CEP97: variants seen among roughly 807,000 people sequenced by gnomAD.
CEP97 encodes centrosomal protein 97.
In CEP97, 43 loss-of-function variants were observed where a neutral mutation model predicts 73.1. The observed-to-expected ratio is 0.59, with a 90% CI of 0.46 to 0.76. The LOEUF (loss-of-function observed/expected upper bound fraction) is 0.76. Among genes scored for constraint, CEP97 ranks in the 30% least tolerant of loss-of-function variants. CEP97 has a pLI of 0.00. For missense variants in CEP97, 939 were observed against 1,014.0 expected, an observed-to-expected ratio of 0.93 and a Z score of 1.00; for synonymous variants, 337 against 370.0, an observed-to-expected ratio of 0.91 and a Z score of 1.02.
Position 101,755,474 on chromosome 3 carries a change from A to G in CEP97, c.773A>G (p.Tyr258Cys), listed in dbSNP as rs755680353. 7 of 1,614,056 alleles carry G rather than the reference A, an allele frequency of 4.3e-6. No individual in the cohort carries two copies. The highest frequency in any genetic ancestry group is 1.1e-5 in the South Asian group (1 of 91,092). Residue 258 changes from tyrosine (Y) to cysteine (C), a missense_variant, in exon 7 of 11, where the codon TAT becomes TGT. Coordinates refer to ENST00000341893, the MANE Select transcript of CEP97 (RefSeq NM_024548.4). ...WLYSQGKGRAYRPGQHIQLVQ... is the reference protein window; with the variant it reads ...WLYSQGKGRACRPGQHIQLVQ... ...TATAGTCAAGGCAAGGGGAGAGCAT[A>G]TCGGCCTGGCCAGCACATCCAGCTT...
intron 10 of CEP97, among the ~76,000 whole-genome samples, chr3:101,762,918 G>A (rs1428237064): frequency 6.6e-6 from 1 of 152,114 alleles, no homozygotes; most frequent in African/African-American, 2.4e-5. Context: ...GATTAAGATG[G>A]TATATGACTA....
chr3:101,732,192 A>G lies in CEP97; in HGVS notation c.561+239A>G, dbSNP rs79245364. Among the ~76,000 whole-genome samples the G allele has an allele frequency of 1.3e-3, 198 of 152,298 alleles. 2 individuals are homozygous for G. In the East Asian group the frequency reaches 0.019, roughly 14 times the overall value. On this transcript the variant is annotated intron_variant, in intron 5 of 10. Transcript: ENST00000341893. ...GGGAGGCGATTGGTGGTAGAGGGAC[A>G]TCTACGTTATAAGGGTTTATAAGAC...
chr3:101,757,127 G>A lies in CEP97; in HGVS notation c.958G>A (p.Glu320Lys), dbSNP rs2107183565. The A allele has an allele frequency of 6.2e-7, 1 of 1,613,450 alleles. No homozygotes were observed. The highest frequency in any genetic ancestry group is 2.2e-5 in the East Asian group (1 of 44,808). ...NEELSPLVPVETRASLIPEHS... is the reference protein window; with the variant it reads ...NEELSPLVPVKTRASLIPEHS... ...AGAGTTGTCTCCTCTTGTTCCTGTT[G>A]AAACAAGGGCATCCCTTATTCCTGA... The change falls in exon 8 of 11, where the codon GAA becomes AAA. Residue 320 changes from glutamate (E) to lysine (K), a missense_variant. Transcript: ENST00000341893.
In CEP97 at chr3:101,767,466, C is replaced by G. The variant is rs763073686; in HGVS notation, c.*1915C>G. Reference sequence around the variant, plus strand: ...TTAGACAAAGAAAAACCAATTTCCACTGCACTAGTACCAAAATACTACTTT... The same window carrying G: ...TTAGACAAAGAAAAACCAATTTCCAGTGCACTAGTACCAAAATACTACTTT... On this transcript the variant is annotated 3_prime_UTR_variant, in exon 11 of 11. Transcript: ENST00000341893. The G allele has an allele frequency of 1.3e-5, 2 of 152,186 alleles. No individual in the cohort carries two copies. Among genetic ancestry groups the G allele is most frequent in the Non-Finnish European group, 2.9e-5 (2 of 68,028 alleles). 9.4% of individuals were successfully genotyped at this position (152,186 alleles called of 1,614,324 possible).
chr3:101,741,213 T>C (rs1365605682), intron 6 of CEP97, among the ~76,000 whole-genome samples: 1 of 152,214 alleles, frequency 6.6e-6, no homozygotes, highest in Non-Finnish European at 1.5e-5. Context: ...TGGCTAGCCA[T>C]ATGCAGAAAA....
intron 6 of CEP97, among the ~76,000 whole-genome samples, chr3:101,737,063 G>A (rs7621938): frequency 0.3 from 45,997 of 152,038 alleles, 7,471 homozygotes; most frequent in Middle Eastern, 0.43. Flanking sequence ...ATCAATAGTC[G>A]ATTTGATCAA....
At position 101,758,542 on chromosome 3, in the gene CEP97, G is replaced by A; in HGVS notation, c.1817+119G>A. The A allele has an allele frequency of 2.5e-6, 3 of 1,224,086 alleles. No individual in the cohort carries two copies. In the South Asian group the frequency reaches 4.3e-5, roughly 18 times the overall value. 75.8% of individuals were successfully genotyped at this position (1,224,086 alleles called of 1,614,324 possible). On this transcript the variant is annotated intron_variant, in intron 9 of 10. Transcript: ENST00000341893. The stretch of plus-strand genomic sequence containing the variant: ...ACACTTTTCACACAATGTAGCCACT[G>A]TTGCTTTGGTTGTCTCCTACAGTGT...
chr3:101,748,153 A>T (rs1448730323), intron 6 of CEP97, among the ~76,000 whole-genome samples: 2 of 149,876 alleles, frequency 1.3e-5, no homozygotes, highest in South Asian at 4.2e-4. Flanking sequence ...AAAAAAAAAA[A>T]AGATTAATAT....
At chr3:101,733,924 T>C (rs985620983) in intron 6 of CEP97, among the ~76,000 whole-genome samples, 4 of 152,148 alleles carry the variant, frequency 2.6e-5, no homozygotes, top group Admixed American at 2.6e-4. Context: ...CCTCCTGGGT[T>C]CAAGCGATTC....
At chr3:101,730,463 A>C (rs1938072502) in intron 4 of CEP97, among the ~76,000 whole-genome samples, 1 of 150,634 alleles carries the variant, frequency 6.6e-6, no homozygotes, top group Non-Finnish European at 1.5e-5. Flanking sequence ...ATGGCATTTC[A>C]TCATGTTGGC....
chr3:101,756,442 C>A (rs1161667729), intron 7 of CEP97, among the ~76,000 whole-genome samples: 2 of 151,736 alleles, frequency 1.3e-5, no homozygotes, highest in Non-Finnish European at 2.9e-5. Flanking sequence ...CAGCTCCTTG[C>A]ATCTTCAGTC....
intron 6 of CEP97, among the ~76,000 whole-genome samples, chr3:101,755,083 A>G (rs916687769): frequency 6.6e-6 from 1 of 151,620 alleles, no homozygotes; most frequent in African/African-American, 2.4e-5. Context: ...AACTGTCATT[A>G]TGAACTAATG....
At chr3:101,741,290 G>A (rs1487362145) in intron 6 of CEP97, among the ~76,000 whole-genome samples, 1 of 152,198 alleles carries the variant, frequency 6.6e-6, no homozygotes, top group Non-Finnish European at 1.5e-5. Context: ...AGACTTAAAT[G>A]TAAGACCTAA....
intron 4 of CEP97, among the ~76,000 whole-genome samples, chr3:101,731,120 A>G (rs1054447975): frequency 6.6e-6 from 1 of 151,708 alleles, no homozygotes; most frequent in African/African-American, 2.4e-5. Flanking sequence ...TAGAGAATAC[A>G]GTTGCAATTA....
chr3:101,769,204 T>TAA lies in CEP97; in HGVS notation c.*3654_*3655dup, dbSNP rs2107204647. On this transcript the variant is annotated 3_prime_UTR_variant, in exon 11 of 11. Coordinates refer to ENST00000341893, the MANE Select transcript of CEP97 (RefSeq NM_024548.4). ...GTGCAAAGTCTTAGAATTGGATTTA[T>TAA]AACATTGATAATAAAAATATAAAAC... is the stretch of plus-strand genomic sequence containing the variant. 6.6e-6 allele frequency: 1 copy of TAA among 152,268 alleles called. No individual in the cohort carries two copies. Among genetic ancestry groups the TAA allele is most frequent in the African/African-American group, 2.4e-5 (1 of 41,556 alleles). The allele number at this position is 152,268 out of a possible 1,614,324, so 9.4% of individuals were successfully genotyped here. A position where few individuals can be genotyped will look rare whatever the true frequency, so the allele number is the denominator to read the frequency against.
chr3:101,727,164 G>C (rs1217467159), intron 2 of CEP97, among the ~76,000 whole-genome samples: 2 of 152,124 alleles, frequency 1.3e-5, no homozygotes, highest in Admixed American at 1.3e-4. Context: ...AGTTAGAGGA[G>C]GTCTGATCGC....
chr3:101,740,369 G>A (rs981163514), intron 6 of CEP97, among the ~76,000 whole-genome samples: 2 of 152,108 alleles, frequency 1.3e-5, no homozygotes, highest in African/African-American at 4.8e-5. Flanking sequence ...ATTCACAATT[G>A]CTGCAAAGAG....
intron 6 of CEP97, among the ~76,000 whole-genome samples, chr3:101,752,230 T>A (rs563815634): frequency 2.8e-4 from 42 of 152,348 alleles, no homozygotes; most frequent in African/African-American, 9.6e-4. Flanking sequence ...GCCCCCACTC[T>A]CTTCTGGCTT....
chr3:101,737,601 G>A (rs1298939157), intron 6 of CEP97, among the ~76,000 whole-genome samples: 1 of 152,174 alleles, frequency 6.6e-6, no homozygotes, highest in Non-Finnish European at 1.5e-5. Context: ...AGCTTCATAA[G>A]TGAAGGAGAA....
Sources: allele counts gnomAD v4.1 joint callset (sites outside exome capture counted in the v4.1 genomes callset), GRCh38; gene constraint gnomAD v4.1.1; transcripts MANE v1.5; gene names NCBI Gene and HGNC (gene_info 2026-07-23, HGNC 2026-07-21).